The following OTUD7B variants were observed in gnomAD, a reference collection of about 807,000 sequenced individuals.
OTUD7B encodes OTU deubiquitinase 7B.
In OTUD7B, 34 loss-of-function variants were observed where a neutral mutation model predicts 82.2. The ratio of observed to expected loss-of-function variants is 0.41; its 90% CI spans 0.31 to 0.55. OTUD7B has a LOEUF of 0.55. Ranked by LOEUF, OTUD7B falls within the 20% of genes least tolerant of loss-of-function variation. OTUD7B has a pLI of 0.20. For synonymous variants in OTUD7B, 398 were observed against 402.7 expected, an observed-to-expected ratio of 0.99 and a Z score of 0.14; for missense variants, 944 against 1,062.1, an observed-to-expected ratio of 0.89 and a Z score of 1.55.
intron 1 of OTUD7B, among the ~76,000 whole-genome samples, chr1:149,984,565 C>T (rs1256406891): frequency 6.6e-6 from 1 of 152,170 alleles, no homozygotes; most frequent in Non-Finnish European, 1.5e-5. Flanking sequence ...GGCCTTCCAT[C>T]TTCTCATTGA....
At position 149,983,444 on chromosome 1, in the gene OTUD7B, T is replaced by G. The variant is rs138613735; in HGVS notation, c.-66-5868A>C. Among the ~76,000 whole-genome samples the G allele has an allele frequency of 1.7e-3, 257 of 152,240 alleles. 3 individuals are homozygous for G. Among genetic ancestry groups the G allele is most frequent in the Admixed American group, 0.016 (240 of 15,294 alleles). On this transcript the variant is annotated intron_variant, in intron 1 of 11. Coordinates refer to ENST00000581312, the MANE Select transcript of OTUD7B (RefSeq NM_020205.4). ...CAAATATTTTCACAAACAATTATAATAAAGCAATGTTAGAGAAGGGAGTGT... is the reference window on the plus strand; with the variant it reads ...CAAATATTTTCACAAACAATTATAAGAAAGCAATGTTAGAGAAGGGAGTGT...
Position 149,957,532 on chromosome 1 carries a change from G to A in OTUD7B, c.845+2152C>T, listed in dbSNP as rs766598342. 1.2e-4 allele frequency among the ~76,000 whole-genome samples: 18 copies of A among 152,190 alleles called. 1 individual carries two copies. The highest frequency in any genetic ancestry group is 2.4e-4 in the Non-Finnish European group (16 of 68,030). On this transcript the variant is annotated intron_variant, in intron 7 of 11. Transcript: ENST00000581312. ...TGTCCGTTCTCAGATCTCAAACCGC[G>A]TGCTGGGAGAACCACTACTCTCTTC... is the stretch of plus-strand genomic sequence containing the variant.
chr1:149,948,587 G>GTC (rs1418871486), intron 10 of OTUD7B, among the ~76,000 whole-genome samples: 2 of 151,578 alleles, frequency 1.3e-5, no homozygotes, highest in Non-Finnish European at 1.5e-5. Flanking sequence ...GGCCAGGCTT[G>GTC]TCTCGAACTC....
intron 7 of OTUD7B, among the ~76,000 whole-genome samples, chr1:149,957,870 C>T (rs782167281): frequency 1.7e-4 from 26 of 152,212 alleles, no homozygotes; most frequent in Non-Finnish European, 3.4e-4. Context: ...GTGCCATTTG[C>T]TAAGACCGTT....
At chr1:149,959,116 G>A (rs1648947444) in intron 7 of OTUD7B, among the ~76,000 whole-genome samples, 1 of 151,948 alleles carries the variant, frequency 6.6e-6, no homozygotes, top group African/African-American at 2.4e-5. Context: ...CAGCTACTTG[G>A]GAGGCTGAAA....
rs112701846 is a variant in OTUD7B at position 149,937,981 on chromosome 1, T to A, written c.*5876A>T. The stretch of plus-strand genomic sequence containing the variant: ...GTCTTGGCTGCAACTGTGGAAATAG[T>A]GAAGATATTGTGAGACAGAAAGTCA... On this transcript the variant is annotated 3_prime_UTR_variant, in exon 12 of 12. Transcript: ENST00000581312. 2.6e-5 allele frequency: 4 copies of A among 151,988 alleles called. No homozygotes were observed. Among genetic ancestry groups the A allele is most frequent in the African/African-American group, 9.7e-5 (4 of 41,400 alleles). 9.4% of individuals were successfully genotyped at this position (151,988 alleles called of 1,614,324 possible).
chr1:149,948,025 A>G (rs1553772533), intron 10 of OTUD7B, among the ~76,000 whole-genome samples: 1 of 152,118 alleles, frequency 6.6e-6, no homozygotes, highest in African/African-American at 2.4e-5. Flanking sequence ...TGTTGCCCAT[A>G]CTGGAGTGTA....
chr1:150,045,184 C>T, the OTUD7B span, among the ~76,000 whole-genome samples: 2 of 151,276 alleles, frequency 1.3e-5, no homozygotes, highest in African/African-American at 4.9e-5. Flanking sequence ...CCCCGCCTTC[C>T]AGGTTCAAGC....
At chr1:149,992,093 T>TG (rs1651605718) in intron 1 of OTUD7B, among the ~76,000 whole-genome samples, 1 of 151,968 alleles carries the variant, frequency 6.6e-6, no homozygotes, top group East Asian at 1.9e-4. Context: ...CTGGGCATGG[T>TG]GCACACCTGT....
At chr1:149,976,887 G>A (rs587732598) in intron 2 of OTUD7B, among the ~76,000 whole-genome samples, 39 of 152,140 alleles carry the variant, frequency 2.6e-4, no homozygotes, top group Admixed American at 3.3e-4. Flanking sequence ...TTGGGAGGCC[G>A]AGGCAGGCAG....
upstream of OTUD7B, among the ~76,000 whole-genome samples, chr1:150,015,212 C>T (rs974611277): frequency 6.6e-6 from 1 of 151,672 alleles, no homozygotes; most frequent in Admixed American, 6.6e-5. Context: ...TATAGCTGAG[C>T]CTCCCTAATC....
chr1:150,054,236 T>C, the OTUD7B span: 1 of 447,340 alleles, frequency 2.2e-6, no homozygotes, highest in Non-Finnish European at 4.3e-6. Context: ...TTCAAAGCTG[T>C]TGAGCCAAGG....
chr1:150,021,112 C>A, the OTUD7B span, among the ~76,000 whole-genome samples: 6 of 151,980 alleles, frequency 3.9e-5, no homozygotes, highest in Admixed American at 3.9e-4. Context: ...ATACATTGGC[C>A]CTTTTCTATT....
At chr1:150,054,816 A>AAAAAAAAAAAAG in the OTUD7B span, 1 of 169,602 alleles carries the variant, frequency 5.9e-6, no homozygotes, top group Non-Finnish European at 1.2e-5. Context: ...CTCAAAAAAA[A>AAAAAAAAAAAAG]AAAAAAAAAA....
chr1:150,025,736 C>T, the OTUD7B span, among the ~76,000 whole-genome samples: 4 of 152,170 alleles, frequency 2.6e-5, no homozygotes, highest in Admixed American at 2.6e-4. Flanking sequence ...AGGTGACCAT[C>T]CTCAGACAAA....
the OTUD7B span, among the ~76,000 whole-genome samples, chr1:150,020,452 G>A: frequency 6.6e-6 from 1 of 152,034 alleles, no homozygotes; most frequent in Non-Finnish European, 1.5e-5. Flanking sequence ...CAGGAGAATC[G>A]CTTGAACTAG....
At chr1:149,955,820 G>C (rs1648625894) in intron 7 of OTUD7B, among the ~76,000 whole-genome samples, 1 of 151,920 alleles carries the variant, frequency 6.6e-6, no homozygotes, top group Admixed American at 6.6e-5. Context: ...ATCTTTGTTG[G>C]TTTAAAGTCT....
chr1:150,013,936 T>A (rs1303608264), upstream of OTUD7B, among the ~76,000 whole-genome samples: 11,735 of 34,120 alleles, frequency 0.34, 1,500 homozygotes, highest in African/African-American at 0.38. Context: ...AAAAAAAAAA[T>A]AATATATATA....
rs1553771112 is a variant in OTUD7B, at chr1:149,943,991, T to C, written c.2398A>G (p.Thr800Ala). ...GGLRGLPPTQ[T>A]KCKQPNCSFY... ...CTGCAGTTCGGTTGTTTGCATTTGG[T>C]CTGAGTTGGGGGAAGGCCCCGGAGA... The change falls in exon 12 of 12, where the codon ACC (threonine) becomes GCC (alanine). Residue 800 changes from threonine to alanine, a missense_variant. Thr to Ala is a moderately conservative substitution (Grantham distance 58). Transcript: ENST00000581312. 2.5e-6 allele frequency: 4 copies of C among 1,614,184 alleles called. No homozygotes were observed. The highest frequency in any genetic ancestry group is 2.2e-5 in the South Asian group (2 of 91,078).
Sources: gnomAD v4.1 joint callset for allele counts (sites outside exome capture counted in the v4.1 genomes callset) on GRCh38, gnomAD v4.1.1 for gene constraint, MANE v1.5 for transcripts, NCBI Gene and HGNC (gene_info 2026-07-23, HGNC 2026-07-21) for gene names.